The following SLC2A13 variants were observed in gnomAD, a reference collection of about 807,000 sequenced individuals.
SLC2A13 encodes the protein proton myo-inositol cotransporter.
SLC2A13 carries 32 observed loss-of-function variants against 64.4 expected under a neutral mutation model. The observed-to-expected ratio is 0.50, with a 90% CI of 0.37 to 0.67. The LOEUF is 0.67. SLC2A13 is among the 30% of genes least tolerant of loss of function. The pLI, the probability that SLC2A13 is intolerant of heterozygous loss-of-function variation, is 0.00. For missense variants in SLC2A13, 743 were observed against 829.2 expected (o/e 0.90, Z 1.28); for synonymous variants, 338 against 327.1 (o/e 1.03, Z -0.36).
intron 9 of SLC2A13, among the ~76,000 whole-genome samples, chr12:39,763,818 G>T (rs980503408): frequency 2.0e-5 from 3 of 152,064 alleles, no homozygotes; most frequent in Non-Finnish European, 2.9e-5. Flanking sequence ...TCCTGACTCA[G>T]CCACTAAGCA....
intron 1 of SLC2A13, among the ~76,000 whole-genome samples, chr12:40,056,330 GAGAA>G (rs527280709): frequency 1.9e-3 from 284 of 152,174 alleles, no homozygotes; most frequent in African/African-American, 6.6e-3. Flanking sequence ...GAAAAACACA[GAGAA>G]AGAAAGAATT....
At chr12:39,782,781 A>C (rs1941041294) in intron 7 of SLC2A13, among the ~76,000 whole-genome samples, 1 of 152,222 alleles carries the variant, frequency 6.6e-6, no homozygotes, top group Non-Finnish European at 1.5e-5. Context: ...ACAGATAGTG[A>C]TATGAACAAT....
intron 4 of SLC2A13, among the ~76,000 whole-genome samples, chr12:39,882,993 C>T (rs984969640): frequency 5.3e-5 from 8 of 152,084 alleles, no homozygotes; most frequent in South Asian, 2.1e-4. Context: ...TTTTTAGGCG[C>T]TTAGTGTTTA....
In SLC2A13 at chr12:40,082,636, C is replaced by T. The variant is rs17461082; in HGVS notation, c.556+22617G>A. 1.4e-3 allele frequency among the ~76,000 whole-genome samples: 215 copies of T among 152,292 alleles called. 3 individuals are homozygous for T. The East Asian group carries it at 0.024, about 17-fold the overall frequency. On this transcript the variant is annotated intron_variant, in intron 1 of 9. Transcript: ENST00000280871. ...GGTCTGGCAGCCAAAAAGGCTAAAG[C>T]CACCTAGAGGAGTACAGTGGGCCTT... is the stretch of plus-strand genomic sequence containing the variant.
intron 6 of SLC2A13, among the ~76,000 whole-genome samples, chr12:39,836,062 C>A (rs1021767582): frequency 6.6e-6 from 1 of 152,062 alleles, no homozygotes; most frequent in African/African-American, 2.4e-5. Context: ...TTGAGGCCCA[C>A]ACAGAAAAGC....
At chr12:40,069,199 A>G (rs1214126034) in intron 1 of SLC2A13, among the ~76,000 whole-genome samples, 1 of 152,198 alleles carries the variant, frequency 6.6e-6, no homozygotes, top group Non-Finnish European at 1.5e-5. Context: ...AATAAAAAGG[A>G]GATAAAAATA....
At chr12:39,904,865 C>T (rs1945224725) in intron 4 of SLC2A13, among the ~76,000 whole-genome samples, 1 of 152,122 alleles carries the variant, frequency 6.6e-6, no homozygotes, top group African/African-American at 2.4e-5. Flanking sequence ...CCTGGATGAA[C>T]AGGTCTTCTG....
intron 4 of SLC2A13, among the ~76,000 whole-genome samples, chr12:39,905,058 GAAGAATGCACAAA>G (rs1945230392): frequency 6.6e-6 from 1 of 152,112 alleles, no homozygotes; most frequent in African/African-American, 2.4e-5. Context: ...AAATTAACTT[GAAGAATGCACAAA>G]TATGCCCACA....
At chr12:39,938,406 A>C (rs1181392696) in intron 4 of SLC2A13, among the ~76,000 whole-genome samples, 1 of 151,762 alleles carries the variant, frequency 6.6e-6, no homozygotes, top group East Asian at 1.9e-4. Context: ...GAAACTTTAA[A>C]AAAAAAAACA....
Position 39,760,115 on chromosome 12 carries a change from C to CTGAAG in SLC2A13, c.1853_1857dup (p.Asp620LeufsTer15). ...TCAATATATCTCCCTTCATCAGAAT[C>CTGAAG]TGAAGTGCCACATGTACATAGCCTG... is the stretch of plus-strand genomic sequence containing the variant. On this transcript the variant is annotated frameshift_variant, in exon 10 of 10. Coordinates refer to ENST00000280871, the MANE Select transcript of SLC2A13 (RefSeq NM_052885.4). LOFTEE classifies it high-confidence loss of function. 6.2e-7 allele frequency: 1 copy of CTGAAG among 1,612,978 alleles called. No individual in the cohort carries two copies. Among genetic ancestry groups the CTGAAG allele is most frequent in the Admixed American group, 1.7e-5 (1 of 59,820 alleles).
At chr12:40,006,772 A>AG (rs1315325962) in intron 3 of SLC2A13, among the ~76,000 whole-genome samples, 1 of 152,204 alleles carries the variant, frequency 6.6e-6, no homozygotes, top group Non-Finnish European at 1.5e-5. Context: ...GTCTCTCTGG[A>AG]GAAAAAGTGG....
At chr12:39,936,838 A>T (rs1945925815) in intron 4 of SLC2A13, among the ~76,000 whole-genome samples, 2 of 152,184 alleles carry the variant, frequency 1.3e-5, no homozygotes, top group South Asian at 4.1e-4. Context: ...GACTGGTGAG[A>T]GTGGAATATT....
At chr12:39,899,553 G>A (rs1384478237) in intron 4 of SLC2A13, among the ~76,000 whole-genome samples, 1 of 152,050 alleles carries the variant, frequency 6.6e-6, no homozygotes, top group Admixed American at 6.6e-5. Flanking sequence ...TGCTTTTCTA[G>A]TTCTTTCAAT....
At chr12:40,081,115 T>C (rs1161092160) in intron 1 of SLC2A13, among the ~76,000 whole-genome samples, 2 of 152,202 alleles carry the variant, frequency 1.3e-5, no homozygotes, top group Non-Finnish European at 2.9e-5. Context: ...CTGCCCCTAC[T>C]CTTTGATCTG....
intron 1 of SLC2A13, among the ~76,000 whole-genome samples, chr12:40,095,482 T>G (rs1351466803): frequency 6.6e-6 from 1 of 152,228 alleles, no homozygotes; most frequent in Non-Finnish European, 1.5e-5. Context: ...TCTTTGGGCT[T>G]AATATTTGCA....
intron 4 of SLC2A13, among the ~76,000 whole-genome samples, chr12:39,886,907 C>G (rs1442479062): frequency 6.6e-6 from 1 of 152,050 alleles, no homozygotes; most frequent in African/African-American, 2.4e-5. Context: ...AAGTAGTGTC[C>G]AGATGTGTTT....
intron 4 of SLC2A13, among the ~76,000 whole-genome samples, chr12:39,881,836 T>A (rs988926121): frequency 6.6e-6 from 1 of 152,108 alleles, no homozygotes; most frequent in African/African-American, 2.4e-5. Flanking sequence ...TGTCTACTTT[T>A]TGGTCACTGT....
At chr12:39,851,786 A>C (rs1943477271) in intron 6 of SLC2A13, among the ~76,000 whole-genome samples, 1 of 152,236 alleles carries the variant, frequency 6.6e-6, no homozygotes, top group Admixed American at 6.5e-5. Context: ...CTGCAAATTA[A>C]GTACTCCTAC....
At chr12:40,058,835 C>T (rs993117325) in intron 1 of SLC2A13, among the ~76,000 whole-genome samples, 1 of 152,166 alleles carries the variant, frequency 6.6e-6, no homozygotes, top group African/African-American at 2.4e-5. Flanking sequence ...ACAGACTCTA[C>T]ATTATATGAC....
Sources: gnomAD v4.1 joint callset for allele counts (sites outside exome capture counted in the v4.1 genomes callset) on GRCh38, gnomAD v4.1.1 for gene constraint, MANE v1.5 for transcripts, NCBI Gene and HGNC (gene_info 2026-07-23, HGNC 2026-07-21) for gene names.